The following DAB1 variants were observed in gnomAD, a reference collection of about 807,000 sequenced individuals.
The protein encoded by DAB1 is disabled homolog 1.
A neutral mutation model predicts 64.6 loss-of-function variants in DAB1; 15 were observed. The observed-to-expected ratio is 0.23, with a 90% CI of 0.16 to 0.36. The LOEUF (loss-of-function observed/expected upper bound fraction) is 0.36. Among genes scored for constraint, DAB1 ranks in the 10% least tolerant of loss-of-function variants. DAB1 has a pLI of 1.00. For missense variants in DAB1, 596 were observed against 706.7 expected, an observed-to-expected ratio of 0.84 and a Z score of 1.78; for synonymous variants, 235 against 251.9, an observed-to-expected ratio of 0.93 and a Z score of 0.64.
At chr1:57,668,213 AT>A (rs1646471521) in intron 6 of DAB1, among the ~76,000 whole-genome samples, 1 of 152,072 alleles carries the variant, frequency 6.6e-6, no homozygotes, top group Non-Finnish European at 1.5e-5. Flanking sequence ...TTTATAAGAT[AT>A]TATTTAAATT....
At chr1:58,128,900 A>T (rs1485151275) in intron 5 of DAB1, among the ~76,000 whole-genome samples, 51 of 148,834 alleles carry the variant, frequency 3.4e-4, no homozygotes, top group African/African-American at 1.1e-3. Context: ...TTCATCAAGG[A>T]TATTGGTCTA....
At chr1:57,235,963 C>T (rs1668059424) in intron 2 of DAB1, among the ~76,000 whole-genome samples, 1 of 152,186 alleles carries the variant, frequency 6.6e-6, no homozygotes, top group South Asian at 2.1e-4. Context: ...GTCTCTTTAT[C>T]TCCTGACCTA....
intron 2 of DAB1, among the ~76,000 whole-genome samples, chr1:58,522,207 T>C (rs1646275562): frequency 6.6e-6 from 1 of 152,150 alleles, no homozygotes; most frequent in Non-Finnish European, 1.5e-5. Context: ...GAATAGCTAA[T>C]GGATGCTGGG....
At chr1:57,039,703 TCA>T (rs1172049316) in intron 9 of DAB1, among the ~76,000 whole-genome samples, 3 of 152,196 alleles carry the variant, frequency 2.0e-5, no homozygotes, top group Non-Finnish European at 4.4e-5. Context: ...GTTTTGATGC[TCA>T]GTTTTTCTAA....
intron 7 of DAB1, among the ~76,000 whole-genome samples, chr1:57,638,680 A>T (rs994833826): frequency 6.6e-6 from 1 of 152,214 alleles, no homozygotes; most frequent in Non-Finnish European, 1.5e-5. Context: ...GGACTTCAGA[A>T]GACACCAAAG....
At position 58,323,514 on chromosome 1, in the gene DAB1, T is replaced by G. The variant is rs1321724506; in HGVS notation, n.309+19838A>C. On this transcript the variant is annotated intron_variant and non_coding_transcript_variant, in intron 4 of 20. Transcript: ENST00000485760. The stretch of plus-strand genomic sequence containing the variant: ...CACGGAAAGGCCTCCTTAAGAGGCA[T>G]CATAACACCACTCTATTTTGAATAG... 2.6e-5 allele frequency among the ~76,000 whole-genome samples: 4 copies of G among 152,114 alleles called. No individual in the cohort carries two copies. The East Asian group carries it at 7.7e-4, about 29-fold the overall frequency.
intron 1 of DAB1, among the ~76,000 whole-genome samples, chr1:57,870,058 T>A (rs1006690936): frequency 6.6e-6 from 1 of 152,042 alleles, no homozygotes; most frequent in African/African-American, 2.4e-5. Context: ...TTTGGAAAAA[T>A]ACTTACCCTC....
exon 3 of DAB1, chr1:58,506,107 G>C (rs1312138467): frequency 1.3e-5 from 11 of 872,140 alleles, no homozygotes; most frequent in African/African-American, 3.3e-5. Context: ...CCATGAGAAG[G>C]GTGTGTAGAT....
intron 5 of DAB1, among the ~76,000 whole-genome samples, chr1:58,016,716 G>A (rs1646745518): frequency 6.6e-6 from 1 of 152,052 alleles, no homozygotes; most frequent in Non-Finnish European, 1.5e-5. Context: ...ACTATGTTCT[G>A]TCAATCCAGC....
intron 6 of DAB1, among the ~76,000 whole-genome samples, chr1:57,772,692 G>T (rs1031873999): frequency 3.3e-5 from 5 of 151,926 alleles, no homozygotes; most frequent in African/African-American, 1.2e-4. Flanking sequence ...ACTATTTTTA[G>T]ATTTTTTTTT....
rs375184867 is a variant in DAB1, at chr1:57,371,669, A to G, written c.-137+52261T>C. 3.9e-5 allele frequency among the ~76,000 whole-genome samples: 6 copies of G among 152,312 alleles called. No individual in the cohort carries two copies. In the South Asian group the frequency reaches 6.2e-4, roughly 16 times the overall value. ...ACTCTACAGGGGAAGTCAATATAGG[A>G]ACAAGTATTTGTAGTGCTCAGGTTT... is the stretch of plus-strand genomic sequence containing the variant. On this transcript the variant is annotated intron_variant, in intron 1 of 14. Transcript: ENST00000371236.
At chr1:58,511,665 G>A (rs749086928) in intron 2 of DAB1, among the ~76,000 whole-genome samples, 2 of 152,034 alleles carry the variant, frequency 1.3e-5, no homozygotes, top group South Asian at 2.1e-4. Flanking sequence ...ACCCCACAAT[G>A]AGGAAAGAGC....
intron 6 of DAB1, among the ~76,000 whole-genome samples, chr1:57,754,511 C>A (rs935458898): frequency 6.6e-6 from 1 of 151,836 alleles, no homozygotes; most frequent in African/African-American, 2.4e-5. Context: ...GATGGTAAAA[C>A]CCCGTCTCTA....
intron 3 of DAB1, among the ~76,000 whole-genome samples, chr1:58,372,510 G>A (rs1386846087): frequency 6.6e-6 from 1 of 152,130 alleles, no homozygotes; most frequent in Non-Finnish European, 1.5e-5. Context: ...GTTACTGCTG[G>A]AATGAGTTAA....
intron 7 of DAB1, among the ~76,000 whole-genome samples, chr1:57,574,799 C>G (rs1321953836): frequency 6.6e-6 from 1 of 152,194 alleles, no homozygotes; most frequent in East Asian, 1.9e-4. Flanking sequence ...GGCTCAAGAA[C>G]TGGGCATAGC....
At chr1:57,641,591 G>A (rs11207083) in intron 7 of DAB1, among the ~76,000 whole-genome samples, 47,585 of 151,188 alleles carry the variant, frequency 0.31, 7,897 homozygotes, top group African/African-American at 0.4. Context: ...TCATCGTGTT[G>A]GCCAGGATGG....
At chr1:58,104,837 A>C (rs1385201571) in intron 5 of DAB1, among the ~76,000 whole-genome samples, 1 of 152,224 alleles carries the variant, frequency 6.6e-6, no homozygotes, top group Non-Finnish European at 1.5e-5. Flanking sequence ...TGTGATAAAT[A>C]ATCACCAAGT....
chr1:57,124,032 T>G (rs903097826), intron 4 of DAB1, among the ~76,000 whole-genome samples: 1 of 152,176 alleles, frequency 6.6e-6, no homozygotes, highest in Non-Finnish European at 1.5e-5. Flanking sequence ...ACTACCACTG[T>G]GTAACTTTGG....
chr1:57,536,215 C>T (rs151254394), intron 7 of DAB1, among the ~76,000 whole-genome samples: 13 of 152,266 alleles, frequency 8.5e-5, no homozygotes, highest in Admixed American at 2.6e-4. Context: ...TCACACAGAC[C>T]CTGGCTTGGA....
Sources: allele counts gnomAD v4.1 joint callset (sites outside exome capture counted in the v4.1 genomes callset), GRCh38; gene constraint gnomAD v4.1.1; transcripts MANE v1.5; gene names NCBI Gene and HGNC (gene_info 2026-07-23, HGNC 2026-07-21).